Variants in ZZZ3 observed in about 807,000 individuals in gnomAD.
ZZZ3 encodes ZZ-type zinc finger-containing protein 3.
A neutral mutation model predicts 95.2 loss-of-function variants in ZZZ3; 22 were observed. That is an observed-to-expected ratio of 0.23 (90% CI 0.17 to 0.33). The LOEUF (loss-of-function observed/expected upper bound fraction) is 0.33, where lower values mean the gene tolerates loss of function less well. ZZZ3 is among the 10% of genes least tolerant of loss of function. The pLI, the probability that ZZZ3 is intolerant of heterozygous loss-of-function variation, is 1.00. For missense variants in ZZZ3, 885 were observed against 1,066.5 expected (o/e 0.83, Z 2.37); for synonymous variants, 335 against 358.9 (o/e 0.93, Z 0.75).
chr1:77,591,473 C>G (rs559507709), intron 5 of ZZZ3, among the ~76,000 whole-genome samples: 1 of 152,154 alleles, frequency 6.6e-6, no homozygotes, highest in Non-Finnish European at 1.5e-5. Flanking sequence ...TCCCAAGTAG[C>G]TGGGACTACA....
chr1:77,615,879 T>C (rs1360696370), intron 5 of ZZZ3, among the ~76,000 whole-genome samples: 1 of 152,176 alleles, frequency 6.6e-6, no homozygotes, highest in Non-Finnish European at 1.5e-5. Flanking sequence ...TACAGGCATA[T>C]GCTACCTAAT....
chr1:77,631,746 G>GA, intron 5 of ZZZ3, 104 bp downstream of exon 5: 1 of 972,550 alleles, frequency 1.0e-6, no homozygotes, highest in African/African-American at 1.6e-5. Flanking sequence ...AAATTTTAGT[G>GA]AAAACATTAA....
intron 1 of ZZZ3, among the ~76,000 whole-genome samples, chr1:77,646,111 A>G (rs995801738): frequency 2.0e-5 from 3 of 152,100 alleles, no homozygotes; most frequent in Non-Finnish European, 4.4e-5. Flanking sequence ...CTTCCTCCTA[A>G]ATATTTCTCA....
chr1:77,597,238 C>G (rs1281357193), intron 5 of ZZZ3, among the ~76,000 whole-genome samples: 1 of 152,024 alleles, frequency 6.6e-6, no homozygotes, highest in Admixed American at 6.6e-5. Flanking sequence ...ACAATTTGAG[C>G]AACAATAAAG....
intron 5 of ZZZ3, among the ~76,000 whole-genome samples, chr1:77,585,514 C>T (rs1018490254): frequency 6.6e-6 from 1 of 152,152 alleles, no homozygotes; most frequent in Non-Finnish European, 1.5e-5. Flanking sequence ...TGCAAAACAA[C>T]TCAAGGAAAA....
At chr1:77,659,557 C>T (rs975725833) in intron 1 of ZZZ3, among the ~76,000 whole-genome samples, 1 of 151,564 alleles carries the variant, frequency 6.6e-6, no homozygotes, top group Non-Finnish European at 1.5e-5. Context: ...CGTGGGGGCA[C>T]GTGCCTGTAA....
intron 1 of ZZZ3, among the ~76,000 whole-genome samples, chr1:77,676,315 C>T (rs766669002): frequency 2.6e-5 from 4 of 152,282 alleles, no homozygotes; most frequent in Admixed American, 6.5e-5. Context: ...TACAGGCGCA[C>T]GCCACCACAC....
chr1:77,624,644 GATCC>G (rs1487961821), intron 5 of ZZZ3, among the ~76,000 whole-genome samples: 1 of 152,042 alleles, frequency 6.6e-6, no homozygotes, highest in Non-Finnish European at 1.5e-5. Flanking sequence ...TCTTCATTTG[GATCC>G]TTCGAAATAT....
intron 1 of ZZZ3, chr1:77,645,425 A>G (rs1351228976): frequency 6.5e-6 from 1 of 152,778 alleles, no homozygotes; most frequent in Non-Finnish European, 1.5e-5. Context: ...CACTATGTCA[A>G]TCAGGTGTCT....
intron 5 of ZZZ3, among the ~76,000 whole-genome samples, chr1:77,597,508 A>G (rs1664326870): frequency 6.6e-6 from 1 of 152,064 alleles, no homozygotes; most frequent in African/African-American, 2.4e-5. Context: ...AACCTGACCA[A>G]CACTACCCTC....
intron 5 of ZZZ3, among the ~76,000 whole-genome samples, chr1:77,597,923 T>C (rs143292943): frequency 1.7e-3 from 266 of 152,280 alleles, no homozygotes; most frequent in Non-Finnish European, 2.3e-3. Context: ...AACCATACCA[T>C]ACTACTGTAA....
At chr1:77,660,220 G>A (rs1302230433) in intron 1 of ZZZ3, among the ~76,000 whole-genome samples, 1 of 151,660 alleles carries the variant, frequency 6.6e-6, no homozygotes, top group South Asian at 2.1e-4. Context: ...TTTTTTTATT[G>A]TGGTAAAATA....
At chr1:77,679,655 G>A (rs1005051265) in intron 1 of ZZZ3, among the ~76,000 whole-genome samples, 3 of 152,126 alleles carry the variant, frequency 2.0e-5, no homozygotes, top group Non-Finnish European at 2.9e-5. Flanking sequence ...AAACTCAAGT[G>A]AGAATAAATC....
At chr1:77,575,646 A>G (rs574002776) in intron 12 of ZZZ3, among the ~76,000 whole-genome samples, 1 of 152,360 alleles carries the variant, frequency 6.6e-6, no homozygotes, top group Admixed American at 6.5e-5. Flanking sequence ...TGAAAGAGGG[A>G]GAATGAACCT....
At chr1:77,681,720 C>T (rs1016443670) in intron 1 of ZZZ3, among the ~76,000 whole-genome samples, 5 of 151,902 alleles carry the variant, frequency 3.3e-5, no homozygotes, top group East Asian at 3.9e-4. Context: ...GGTGAAACCC[C>T]GTCTCTACTA....
chr1:77,588,593 A>G (rs1301341263), intron 5 of ZZZ3, among the ~76,000 whole-genome samples: 2 of 152,194 alleles, frequency 1.3e-5, no homozygotes, highest in Admixed American at 1.3e-4. Flanking sequence ...ATCACCATAG[A>G]TGTTCAGACA....
At chr1:77,573,656 T>C (rs1661639372) in intron 12 of ZZZ3, among the ~76,000 whole-genome samples, 1 of 152,198 alleles carries the variant, frequency 6.6e-6, no homozygotes, top group African/African-American at 2.4e-5. Flanking sequence ...GCAATGATAG[T>C]AGTCATTTTT....
At chr1:77,638,237 T>C (rs949916616) in intron 4 of ZZZ3, among the ~76,000 whole-genome samples, 2 of 152,194 alleles carry the variant, frequency 1.3e-5, no homozygotes, top group African/African-American at 4.8e-5. Flanking sequence ...TCCATTCATA[T>C]TAAGCCCTCA....
At chr1:77,647,323 G>A (rs963867824) in intron 1 of ZZZ3, among the ~76,000 whole-genome samples, 134 of 152,194 alleles carry the variant, frequency 8.8e-4, no homozygotes, top group African/African-American at 3.0e-3. Flanking sequence ...GTTCAAAACC[G>A]GCCTAGCCAA....
Sources: gnomAD v4.1 joint callset for allele counts (sites outside exome capture counted in the v4.1 genomes callset) on GRCh38, gnomAD v4.1.1 for gene constraint, MANE v1.5 for transcripts, NCBI Gene and HGNC (gene_info 2026-07-23, HGNC 2026-07-21) for gene names.